SCN9A: variants seen among roughly 807,000 people sequenced by gnomAD.
The protein encoded by SCN9A is sodium voltage-gated channel alpha subunit 9.
In SCN9A, 131 loss-of-function variants were observed where a neutral mutation model predicts 187.0. The observed-to-expected ratio is 0.70, with a 90% CI of 0.61 to 0.81. SCN9A has a LOEUF of 0.81. SCN9A is among the 30% of genes least tolerant of loss of function. The pLI is 0.00. For synonymous variants in SCN9A, 809 were observed against 808.6 expected (o/e 1.00, Z -0.01); for missense variants, 2,252 against 2,396.6 (o/e 0.94, Z 1.26).
intron 1 of SCN9A, among the ~76,000 whole-genome samples, chr2:166,370,018 TCATCTG>T (rs1253975774): frequency 6.6e-6 from 1 of 151,984 alleles, no homozygotes; most frequent in Non-Finnish European, 1.5e-5. Context: ...CCTGTTTTAC[TCATCTG>T]CATGGATTTG....
chr2:166,339,218 A>G (rs770226861), intron 1 of SCN9A, among the ~76,000 whole-genome samples: 19 of 152,142 alleles, frequency 1.2e-4, no homozygotes, highest in Non-Finnish European at 2.6e-4. Context: ...TGGTCTGTTT[A>G]AGCCAAATTT....
Position 166,199,634 on chromosome 2 carries a change from C to T in SCN9A, c.5005G>A (p.Val1669Ile). Residue 1669 changes from valine (V) to isoleucine (I), a missense_variant, in exon 27 of 27, where the codon GTT (valine) becomes ATT (isoleucine). By Grantham distance (29) the Val-to-Ile change is conservative (BLOSUM62 3). Coordinates refer to ENST00000642356, the MANE Select transcript of SCN9A (RefSeq NM_001365536.1). ...AIFGMSNFAYVKKEDGINDMF... is the reference protein window; with the variant it reads ...AIFGMSNFAYIKKEDGINDMF... ...TCATTAATTCCATCTTCCTTTTTAA[C>T]ATAGGCAAAGTTGGACATTCCAAAG... 1 of 1,614,154 alleles carries T rather than the reference C, an allele frequency of 6.2e-7. No individual in the cohort carries two copies. Among genetic ancestry groups the T allele is most frequent in the East Asian group, 2.2e-5 (1 of 44,880 alleles).
chr2:166,365,280 T>C (rs1700387596), intron 1 of SCN9A, among the ~76,000 whole-genome samples: 1 of 152,120 alleles, frequency 6.6e-6, no homozygotes, highest in Non-Finnish European at 1.5e-5. Context: ...CATAAATACA[T>C]ATACATGCAT....
rs121908919 is a variant in SCN9A at position 166,281,786 on chromosome 2, T to C, written c.1997A>G (p.Lys666Arg). 2.3e-3 allele frequency: 3,744 copies of C among 1,612,600 alleles called. 5 individuals are homozygous for C. The highest frequency in any genetic ancestry group is 3.0e-3 in the Admixed American group (181 of 59,894). Residue 666 changes from lysine (K) to arginine (R), a missense_variant, in exon 13 of 27, where the codon AAG becomes AGG. Coordinates refer to ENST00000642356, the MANE Select transcript of SCN9A (RefSeq NM_001365536.1). ...DDSGTTNQIH[K>R]KRRCSSYLLS... ...GAGATAGGAACTACAACGCCTTTTCTTGTGTATTTGATTGGTCGTGCCCTA... is the reference window on the plus strand; with the variant it reads ...GAGATAGGAACTACAACGCCTTTTCCTGTGTATTTGATTGGTCGTGCCCTA...
At chr2:166,319,582 T>C in intron 1 of SCN9A, among the ~76,000 whole-genome samples, 1 of 152,002 alleles carries the variant, frequency 6.6e-6, no homozygotes, top group East Asian at 1.9e-4. Flanking sequence ...AGGTTTAAAT[T>C]CCTCCTCTAG....
At chr2:166,349,296 T>C (rs1559055990) in intron 1 of SCN9A, among the ~76,000 whole-genome samples, 1 of 152,212 alleles carries the variant, frequency 6.6e-6, no homozygotes, top group South Asian at 2.1e-4. Context: ...TATACACTCT[T>C]TCTCTATTCC....
intron 1 of SCN9A, among the ~76,000 whole-genome samples, chr2:166,373,760 A>T (rs971185317): frequency 6.6e-6 from 1 of 152,230 alleles, no homozygotes; most frequent in African/African-American, 2.4e-5. Flanking sequence ...TGTTCCATTT[A>T]CATCAATAAA....
At chr2:166,201,478 C>T (rs1036611409) in intron 26 of SCN9A, among the ~76,000 whole-genome samples, 13 of 111,572 alleles carry the variant, frequency 1.2e-4, no homozygotes, top group South Asian at 5.6e-4. Context: ...ATAGAGTATG[C>T]GTATACTATA....
At chr2:166,317,799 G>GTAAAAA (rs1699143612) in intron 1 of SCN9A, among the ~76,000 whole-genome samples, 2 of 152,166 alleles carry the variant, frequency 1.3e-5, no homozygotes, top group Admixed American at 1.3e-4. Flanking sequence ...TTCCATTGCA[G>GTAAAAA]TAAAAACAAA....
intron 9 of SCN9A, 77 bp downstream of exon 9, chr2:166,293,154 T>A (rs1477956771): frequency 2.2e-6 from 3 of 1,333,604 alleles, no homozygotes; most frequent in African/African-American, 3.0e-5. Context: ...ATAAAAAACC[T>A]CCTAATACAG....
Position 166,251,850 on chromosome 2 carries a change from T to C in SCN9A, c.3387A>G (p.Thr1129=). 1 of 1,612,618 alleles carries C rather than the reference T, an allele frequency of 6.2e-7. No individual in the cohort carries two copies. The highest frequency in any genetic ancestry group is 1.1e-5 in the South Asian group (1 of 91,030). Residue 1129 remains threonine (T), a synonymous_variant, in exon 18 of 27, where the codon ACA becomes ACG. Transcript: ENST00000642356. ...LNRSSSSECS[T]VDNPLPGEGE... Reference sequence around the variant, plus strand: ...CTTCTCCAGGCAAAGGGTTATCAACTGTGCTGCACTCTGAGGAGCTTGACC... The same window carrying C: ...CTTCTCCAGGCAAAGGGTTATCAACCGTGCTGCACTCTGAGGAGCTTGACC...
At chr2:166,355,324 A>T (rs1700126440) in intron 1 of SCN9A, among the ~76,000 whole-genome samples, 1 of 152,088 alleles carries the variant, frequency 6.6e-6, no homozygotes, top group Non-Finnish European at 1.5e-5. Context: ...ACATGTAAGC[A>T]TATATTTTCC....
In SCN9A at chr2:166,199,315, C is replaced by G; in HGVS notation, c.5324G>C (p.Ser1775Thr). Residue 1775 changes from serine (S) to threonine (T), a missense_variant, in exon 27 of 27, where the codon AGT becomes ACT. By Grantham distance (58) the Ser-to-Thr change is moderately conservative. This residue lies in a region of SCN9A where 345 missense variants were observed against 344.6 expected (regional missense o/e 1.00). Coordinates refer to ENST00000642356, the MANE Select transcript of SCN9A (RefSeq NM_001365536.1). ...ATAGAACATCTCAAAGTCATCCTCA[C>G]TCAGAGGTTCAGTACTTTCTTCAGT... The part of the protein sequence containing the change: ...VATEESTEPL[S>T]EDDFEMFYEV... The G allele has an allele frequency of 6.2e-7, 1 of 1,614,216 alleles. No individual in the cohort carries two copies. Among genetic ancestry groups the G allele is most frequent in the South Asian group, 1.1e-5 (1 of 91,082 alleles).
intron 1 of SCN9A, among the ~76,000 whole-genome samples, chr2:166,320,486 C>A (rs1013684707): frequency 6.6e-6 from 1 of 152,000 alleles, no homozygotes; most frequent in African/African-American, 2.4e-5. Flanking sequence ...ATTAATATTT[C>A]TTCTTCAAGG....
chr2:166,309,913 A>G (rs1380038594), intron 2 of SCN9A, among the ~76,000 whole-genome samples: 3 of 145,064 alleles, frequency 2.1e-5, no homozygotes, highest in Non-Finnish European at 4.5e-5. Flanking sequence ...ATATAGATCA[A>G]TGGAACAGAA....
At chr2:166,285,629 A>G (rs1193797719) in intron 11 of SCN9A, among the ~76,000 whole-genome samples, 2 of 152,174 alleles carry the variant, frequency 1.3e-5, no homozygotes, top group African/African-American at 2.4e-5. Context: ...TTTACTGTGT[A>G]TATCAGGAGA....
chr2:166,358,213 G>C (rs556713324), intron 1 of SCN9A, among the ~76,000 whole-genome samples: 87 of 151,900 alleles, frequency 5.7e-4, no homozygotes, highest in African/African-American at 2.0e-3. Flanking sequence ...CGGATTAGAG[G>C]TACCCACCAC....
At chr2:166,340,571 TTTCTTTCTTTCTTTC>T (rs1453875018) in intron 1 of SCN9A, among the ~76,000 whole-genome samples, 1 of 71,678 alleles carries the variant, frequency 1.4e-5, no homozygotes, top group Non-Finnish European at 2.6e-5. Context: ...TCTTTCTTTC[TTTCTTTCTTTCTTTC>T]TTTCTTTCTT....
chr2:166,278,148 A>G lies in SCN9A; in HGVS notation c.2509T>C (p.Phe837Leu), dbSNP rs1697319794. The G allele has an allele frequency of 2.5e-6, 4 of 1,612,000 alleles. No individual in the cohort carries two copies. In the African/African-American group the frequency reaches 5.3e-5, roughly 22 times the overall value. The change falls in exon 15 of 27, where the codon TTC becomes CTC. Residue 837 changes from phenylalanine (F) to leucine (L), a missense_variant. Transcript: ENST00000642356. ...DVEGLSVLRSFRLLRVFKLAK... is the reference protein window; with the variant it reads ...DVEGLSVLRSLRLLRVFKLAK... ...CCTTAGTTTATGTTTACCAGTCTGA[A>G]TGATCGCAGAACTGACAATCCTTCC...
Sources: gnomAD v4.1 joint callset for allele counts (sites outside exome capture counted in the v4.1 genomes callset) on GRCh38, gnomAD v4.1.1 for gene constraint, gnomAD v4.1.1 regional missense constraint, MANE v1.5 for transcripts, NCBI Gene and HGNC (gene_info 2026-07-23, HGNC 2026-07-21) for gene names.